The following MAP4K3 variants were observed in gnomAD, a reference collection of about 807,000 sequenced individuals.
The protein encoded by MAP4K3 is MAPK/ERK kinase kinase kinase 3.
MAP4K3 carries 94 observed loss-of-function variants against 143.5 expected under a neutral mutation model. That is an observed-to-expected ratio of 0.65 (90% confidence interval 0.55 to 0.78). MAP4K3 has a LOEUF of 0.78. Ranked by LOEUF, MAP4K3 falls within the 30% of genes least tolerant of loss-of-function variation. The pLI, the probability that MAP4K3 is intolerant of heterozygous loss-of-function variation, is 0.00. For missense variants in MAP4K3, 1,077 were observed against 1,068.1 expected (o/e 1.01, Z -0.12); for synonymous variants, 416 against 347.2 (o/e 1.20, Z -2.20).
intron 2 of MAP4K3, among the ~76,000 whole-genome samples, chr2:39,377,335 G>C (rs1043508097): frequency 3.3e-5 from 5 of 151,362 alleles, no homozygotes; most frequent in Non-Finnish European, 7.4e-5. Context: ...GAAGTCATCA[G>C]AAAGGCACTA....
intron 6 of MAP4K3, among the ~76,000 whole-genome samples, chr2:39,335,382 G>C (rs1664912080): frequency 6.6e-6 from 1 of 152,154 alleles, no homozygotes; most frequent in South Asian, 2.1e-4. Flanking sequence ...TTAGACAGGA[G>C]TAGAAATGGT....
At chr2:39,353,841 C>A (rs181634319) in intron 3 of MAP4K3, among the ~76,000 whole-genome samples, 3 of 152,090 alleles carry the variant, frequency 2.0e-5, no homozygotes, top group Admixed American at 6.5e-5. Context: ...GTATTTCACA[C>A]GTAGTTACCC....
At chr2:39,285,190 T>C (rs959946435) in intron 21 of MAP4K3, among the ~76,000 whole-genome samples, 1 of 152,162 alleles carries the variant, frequency 6.6e-6, no homozygotes, top group African/African-American at 2.4e-5. Context: ...TGTAAATAAT[T>C]TCAAGAATTA....
intron 15 of MAP4K3, among the ~76,000 whole-genome samples, chr2:39,303,841 T>A (rs1435217833): frequency 2.0e-5 from 3 of 152,194 alleles, no homozygotes; most frequent in African/African-American, 7.2e-5. Context: ...CGGGTCAACA[T>A]AGTCTTTTAT....
At chr2:39,308,339 T>C (rs1391029586) in intron 14 of MAP4K3, among the ~76,000 whole-genome samples, 1 of 152,178 alleles carries the variant, frequency 6.6e-6, no homozygotes, top group Non-Finnish European at 1.5e-5. Context: ...CCCCTCTTCA[T>C]AAATGTCAGG....
chr2:39,249,922 T>C lies in MAP4K3; in HGVS notation c.*696A>G, dbSNP rs1680083802. The C allele has an allele frequency of 1.3e-5, 2 of 152,300 alleles. No homozygotes were observed. Among genetic ancestry groups the C allele is most frequent in the Admixed American group, 1.3e-4 (2 of 15,286 alleles). 9.4% of individuals were successfully genotyped at this position (152,300 alleles called of 1,614,324 possible). On this transcript the variant is annotated 3_prime_UTR_variant, in exon 34 of 34. Transcript: ENST00000263881. ...TACTACAACATGTGGTTAATTATAATTGGTTTGCTTCACATAGAAAACAAT... is the reference window on the plus strand; with the variant it reads ...TACTACAACATGTGGTTAATTATAACTGGTTTGCTTCACATAGAAAACAAT...
At chr2:39,259,025 G>A (rs1313902484) in intron 29 of MAP4K3, among the ~76,000 whole-genome samples, 12 of 126,432 alleles carry the variant, frequency 9.5e-5, no homozygotes, top group Admixed American at 1.7e-4. Context: ...TTTTTTTTGC[G>A]CCTGCTGCTC....
chr2:39,293,599 T>TCA, intron 16 of MAP4K3, among the ~76,000 whole-genome samples: 1 of 152,110 alleles, frequency 6.6e-6, no homozygotes, highest in East Asian at 1.9e-4. Context: ...AATTGCAGGG[T>TCA]CATAGCCAGG....
rs1680165323 is a variant in MAP4K3 at position 39,251,866 on chromosome 2, T to A, written c.2561A>T (p.Asp854Val). Residue 854 changes from aspartate to valine, a missense_variant, in exon 33 of 34, where the codon GAT becomes GTT. Asp to Val is a radical substitution (Grantham distance 152). This residue lies in a region of MAP4K3 where 864 missense variants were observed against 801.2 expected (regional missense o/e 1.08). Transcript: ENST00000263881. Reference protein sequence around the residue: ...RSNEVTQEISDSTRIFRLLGS... With the variant: ...RSNEVTQEISVSTRIFRLLGS... ...AAGCAGCCTGAAAATTCTTGTGCTA[T>A]CTGAAATTTCTTGTGTTACCTGTTC... The A allele has an allele frequency of 6.2e-7, 1 of 1,613,544 alleles. No individual in the cohort carries two copies. Among genetic ancestry groups the A allele is most frequent in the African/African-American group, 1.3e-5 (1 of 74,936 alleles).
chr2:39,263,542 G>C (rs1266185479), intron 28 of MAP4K3, among the ~76,000 whole-genome samples: 1 of 151,684 alleles, frequency 6.6e-6, no homozygotes. Flanking sequence ...GCCTCCCAAA[G>C]TGCTGGGATT....
intron 27 of MAP4K3, among the ~76,000 whole-genome samples, chr2:39,266,706 G>T (rs1459078507): frequency 6.6e-6 from 1 of 152,006 alleles, no homozygotes; most frequent in Non-Finnish European, 1.5e-5. Context: ...TAACTTAAGG[G>T]AAAGAAATCA....
chr2:39,288,685 C>G (rs963751966), intron 19 of MAP4K3, among the ~76,000 whole-genome samples: 1 of 152,178 alleles, frequency 6.6e-6, no homozygotes, highest in African/African-American at 2.4e-5. Flanking sequence ...TCTAAGCTGT[C>G]TCTTAGATGA....
chr2:39,436,318 C>CAA (rs60264140), intron 1 of MAP4K3, among the ~76,000 whole-genome samples: 83 of 129,386 alleles, frequency 6.4e-4, no homozygotes, highest in Non-Finnish European at 3.4e-4. Flanking sequence ...TTGCTCTTTC[C>CAA]AAAAAAAAAA....
chr2:39,346,294 A>G (rs1474839229), intron 3 of MAP4K3, among the ~76,000 whole-genome samples: 2 of 152,240 alleles, frequency 1.3e-5, no homozygotes, highest in Non-Finnish European at 1.5e-5. Context: ...TACTGTTTGT[A>G]GTTAATCAAA....
chr2:39,401,408 A>G (rs1666950268), intron 1 of MAP4K3, among the ~76,000 whole-genome samples: 1 of 152,202 alleles, frequency 6.6e-6, no homozygotes, highest in African/African-American at 2.4e-5. Flanking sequence ...AATTTAAGAG[A>G]CACCAGGTAG....
rs763399358 is a variant in MAP4K3, at chr2:39,356,289, TAC to T, written c.203_204del (p.Cys68Ter). The T allele has an allele frequency of 9.4e-6, 15 of 1,604,262 alleles. No homozygotes were observed. The highest frequency in any genetic ancestry group is 1.3e-5 in the Non-Finnish European group (15 of 1,175,530). Reference protein sequence around the residue: ...VQQEIIMMKDCKHPNIVAYFG... With the variant: ...VQQEIIMMKDXKHPNIVAYFG... The stretch of plus-strand genomic sequence containing the variant: ...AAATAAGCAACAATATTTGGGTGTT[TAC>T]AGTCTTTCATCATAATAATTTCTTG... On this transcript the variant is annotated frameshift_variant, in exon 3 of 34. Coordinates refer to ENST00000263881, the MANE Select transcript of MAP4K3 (RefSeq NM_003618.4). LOFTEE classifies it high-confidence loss of function.
intron 13 of MAP4K3, 31 bp from the exon 14 acceptor site, chr2:39,309,550 T>TTTTA: frequency 1.7e-5 from 11 of 654,426 alleles, no homozygotes; most frequent in Non-Finnish European, 2.2e-5. Context: ...AAACCAGGAT[T>TTTTA]TTTTTTTTTT....
At chr2:39,397,951 G>T (rs1487742095) in intron 1 of MAP4K3, among the ~76,000 whole-genome samples, 1 of 152,178 alleles carries the variant, frequency 6.6e-6, no homozygotes, top group Non-Finnish European at 1.5e-5. Context: ...TTTCTTATCA[G>T]ATTGGCAAAA....
rs557769173 is a variant in MAP4K3, at chr2:39,267,368, T to C, written c.1974-121A>G. 2.7e-4 allele frequency: 203 copies of C among 739,420 alleles called. 1 individual carries two copies. The highest frequency in any genetic ancestry group is 3.0e-4 in the Non-Finnish European group (129 of 431,796). The allele number at this position is 739,420 out of a possible 1,614,324, so 45.8% of individuals were successfully genotyped here. On this transcript the variant is annotated intron_variant, in intron 26 of 33. Transcript: ENST00000263881. Reference sequence around the variant, plus strand: ...AAACTGGTGCTGACATACTAGCTCATCTATTAAAATTAGAATAAAAAGGCC... The same window carrying C: ...AAACTGGTGCTGACATACTAGCTCACCTATTAAAATTAGAATAAAAAGGCC...
Sources: gnomAD v4.1 joint callset for allele counts (sites outside exome capture counted in the v4.1 genomes callset) on GRCh38, gnomAD v4.1.1 for gene constraint, gnomAD v4.1.1 regional missense constraint, MANE v1.5 for transcripts, NCBI Gene and HGNC (gene_info 2026-07-23, HGNC 2026-07-21) for gene names.